Variants in PRKG1 observed in about 807,000 individuals in gnomAD.
PRKG1 encodes the protein cGMP-dependent protein kinase 1.
PRKG1 carries 35 observed loss-of-function variants against 88.1 expected under a neutral mutation model. The observed-to-expected ratio is 0.40, with a 90% CI of 0.30 to 0.53. PRKG1 has a LOEUF of 0.53. Ranked by LOEUF, PRKG1 falls within the 20% of genes least tolerant of loss-of-function variation. The pLI, the probability that PRKG1 is intolerant of heterozygous loss-of-function variation, is 0.59. For missense variants in PRKG1, 540 were observed against 839.8 expected (o/e 0.64, Z 4.41); for synonymous variants, 303 against 292.5 (o/e 1.04, Z -0.37).
At position 51,758,363 on chromosome 10, in the gene PRKG1, T is replaced by C. The variant is rs187396920; in HGVS notation, c.593-46222T>C. Among the ~76,000 whole-genome samples the C allele has an allele frequency of 2.0e-4, 31 of 152,330 alleles. No individual in the cohort carries two copies. The East Asian group carries it at 5.4e-3, about 27-fold the overall frequency. ...TATGTTTTATATATACAAACACTTATTGTTCTTATTATAAATGAAATAACC... is the reference window on the plus strand; with the variant it reads ...TATGTTTTATATATACAAACACTTACTGTTCTTATTATAAATGAAATAACC... On this transcript the variant is annotated intron_variant, in intron 3 of 17. Transcript: ENST00000373980.
chr10:51,917,318 C>CAAAAAAAAAA (rs1288522303), intron 5 of PRKG1, among the ~76,000 whole-genome samples: 7 of 69,514 alleles, frequency 1.0e-4, no homozygotes, highest in African/African-American at 2.3e-4. Flanking sequence ...GACTCCATCT[C>CAAAAAAAAAA]AAAAAAAAAA....
intron 9 of PRKG1, among the ~76,000 whole-genome samples, chr10:52,179,962 C>T (rs370844280): frequency 5.3e-5 from 8 of 152,234 alleles, no homozygotes; most frequent in African/African-American, 1.9e-4. Context: ...GCTGGGATTA[C>T]AGGCGTGAGC....
At chr10:51,113,055 A>G (rs1165866619) in intron 1 of PRKG1, among the ~76,000 whole-genome samples, 2 of 152,172 alleles carry the variant, frequency 1.3e-5, no homozygotes, top group South Asian at 2.1e-4. Context: ...GACATGGAAC[A>G]ATGATTTTAC....
chr10:51,387,674 C>A (rs1277623198), intron 2 of PRKG1, among the ~76,000 whole-genome samples: 1 of 152,144 alleles, frequency 6.6e-6, no homozygotes, highest in East Asian at 1.9e-4. Context: ...TGGTTAAGTG[C>A]CACATAGCAG....
At chr10:51,907,373 T>C (rs1409230787) in intron 4 of PRKG1, 134 bp from the exon 5 acceptor site, 3 of 679,230 alleles carry the variant, frequency 4.4e-6, no homozygotes, top group Non-Finnish European at 7.2e-6. Context: ...GTGTGGCTAA[T>C]GCATTTTTTT....
chr10:51,555,595 G>A (rs1837289748), intron 3 of PRKG1, among the ~76,000 whole-genome samples: 1 of 151,974 alleles, frequency 6.6e-6, no homozygotes, highest in Admixed American at 6.6e-5. Flanking sequence ...ACACTAAACT[G>A]AAAGAACAGA....
chr10:51,645,920 T>TA (rs1234356495), intron 3 of PRKG1, among the ~76,000 whole-genome samples: 3 of 152,166 alleles, frequency 2.0e-5, no homozygotes, highest in Middle Eastern at 3.2e-3. Context: ...TTAGAAAAAT[T>TA]AAAAAAATTA....
intron 5 of PRKG1, among the ~76,000 whole-genome samples, chr10:51,926,471 C>T (rs1363191874): frequency 1.3e-5 from 2 of 152,054 alleles, no homozygotes; most frequent in Non-Finnish European, 2.9e-5. Context: ...TGCTGCTGAA[C>T]AGTTTATTCC....
intron 12 of PRKG1, among the ~76,000 whole-genome samples, chr10:52,278,649 T>G (rs998860034): frequency 3.9e-5 from 6 of 152,092 alleles, no homozygotes; most frequent in Non-Finnish European, 5.9e-5. Flanking sequence ...TGAGTTTGGC[T>G]GGGCATGGTG....
intron 5 of PRKG1, among the ~76,000 whole-genome samples, chr10:52,014,791 G>A (rs1245489739): frequency 1.3e-5 from 2 of 152,132 alleles, no homozygotes; most frequent in Admixed American, 6.5e-5. Context: ...CAAAACAAAG[G>A]GGCCACAGGC....
chr10:51,478,201 T>C (rs1564515195), intron 3 of PRKG1, among the ~76,000 whole-genome samples: 1 of 152,120 alleles, frequency 6.6e-6, no homozygotes, highest in South Asian at 2.1e-4. Flanking sequence ...AAATTACGAA[T>C]AGATGGCTAT....
intron 7 of PRKG1, among the ~76,000 whole-genome samples, chr10:52,087,101 C>G (rs1435614875): frequency 6.6e-6 from 1 of 152,140 alleles, no homozygotes; most frequent in Non-Finnish European, 1.5e-5. Flanking sequence ...GGTGGGGACA[C>G]AGCCAAACCA....
chr10:51,882,149 T>G (rs1383778262), intron 4 of PRKG1, among the ~76,000 whole-genome samples: 1 of 152,214 alleles, frequency 6.6e-6, no homozygotes, highest in Non-Finnish European at 1.5e-5. Context: ...GAAAATGAAT[T>G]AATTAATAAC....
At chr10:51,257,544 A>T (rs1054423247) in intron 2 of PRKG1, among the ~76,000 whole-genome samples, 1 of 152,204 alleles carries the variant, frequency 6.6e-6, no homozygotes, top group African/African-American at 2.4e-5. Context: ...CGCTGGCTTT[A>T]GGCATGACTG....
At chr10:51,560,869 T>C (rs1159082046) in intron 3 of PRKG1, among the ~76,000 whole-genome samples, 1 of 152,126 alleles carries the variant, frequency 6.6e-6, no homozygotes, top group Admixed American at 6.6e-5. Flanking sequence ...TATTGTGTTA[T>C]AATTTATTTC....
chr10:51,202,253 G>A (rs897778871), intron 2 of PRKG1, among the ~76,000 whole-genome samples: 1 of 152,214 alleles, frequency 6.6e-6, no homozygotes, highest in Non-Finnish European at 1.5e-5. Flanking sequence ...GGCAATGACT[G>A]ACTGATGTAA....
chr10:51,074,922 G>T, intron 1 of PRKG1, 21 bp downstream of exon 1: 1 of 1,569,328 alleles, frequency 6.4e-7, no homozygotes, highest in East Asian at 2.3e-5. Context: ...GTGACGCGCC[G>T]GGTCCATGTG....
chr10:52,015,379 G>C (rs185589985), intron 5 of PRKG1, among the ~76,000 whole-genome samples: 5 of 152,154 alleles, frequency 3.3e-5, no homozygotes, highest in Non-Finnish European at 7.3e-5. Context: ...GCTAGATTTG[G>C]AGCAGCTGGG....
intron 1 of PRKG1, among the ~76,000 whole-genome samples, chr10:51,019,089 T>G (rs889826868): frequency 6.6e-6 from 1 of 152,228 alleles, no homozygotes; most frequent in Non-Finnish European, 1.5e-5. Context: ...GAAGGTTATG[T>G]AATTCTCAAG....
Sources: gnomAD v4.1 joint callset for allele counts (sites outside exome capture counted in the v4.1 genomes callset) on GRCh38, gnomAD v4.1.1 for gene constraint, MANE v1.5 for transcripts, NCBI Gene and HGNC (gene_info 2026-07-23, HGNC 2026-07-21) for gene names.